Variants in SIRPD observed in about 807,000 individuals in gnomAD.
SIRPD encodes the protein signal regulatory protein delta, also known as signal-regulatory protein delta.
Under a neutral mutation model 18.0 loss-of-function variants are expected in SIRPD, and 21 were observed. The observed-to-expected ratio is 1.17, with a 90% CI of 0.83 to 1.68. SIRPD has a LOEUF of 1.68. Ranked by LOEUF, SIRPD falls within the 40% of genes most tolerant of loss-of-function variation. SIRPD has a pLI of 0.00. For missense variants in SIRPD, 295 were observed against 238.4 expected, an observed-to-expected ratio of 1.24 and a Z score of -1.56; for synonymous variants, 106 against 92.9, an observed-to-expected ratio of 1.14 and a Z score of -0.81.
intron 2 of SIRPD, among the ~76,000 whole-genome samples, chr20:1,550,444 A>G (rs1908364635): frequency 6.6e-6 from 1 of 152,194 alleles, no homozygotes; most frequent in African/African-American, 2.4e-5. Context: ...TATTTTCGCT[A>G]TCATATACTG....
intron 2 of SIRPD, among the ~76,000 whole-genome samples, chr20:1,550,596 C>T (rs546947487): frequency 3.3e-5 from 5 of 152,256 alleles, no homozygotes; most frequent in African/African-American, 1.2e-4. Context: ...CTGTGAGGAA[C>T]CCAGAATCCT....
At position 1,534,323 on chromosome 20, in the gene SIRPD, T is replaced by A; in HGVS notation, c.*102A>T. The A allele has an allele frequency of 6.6e-7, 1 of 1,523,226 alleles. No individual in the cohort carries two copies. The highest frequency in any genetic ancestry group is 1.2e-5 in the South Asian group (1 of 85,230). 94.4% of individuals were successfully genotyped at this position (1,523,226 alleles called of 1,614,324 possible). ...TTTATGTCAGTGGAAGAAAGCTCTC[T>A]TGAAGAAGGCAAATGAAACTCCTAA... is the stretch of plus-strand genomic sequence containing the variant. On this transcript the variant is annotated 3_prime_UTR_variant, in exon 4 of 4. Coordinates refer to ENST00000381623, the MANE Select transcript of SIRPD (RefSeq NM_178460.3).
intron 2 of SIRPD, among the ~76,000 whole-genome samples, chr20:1,545,663 C>T (rs141287982): frequency 9.7e-4 from 147 of 152,252 alleles, no homozygotes; most frequent in Non-Finnish European, 1.8e-3. Context: ...GCCTTGCTGG[C>T]GAGGAGATGT....
intron 2 of SIRPD, among the ~76,000 whole-genome samples, chr20:1,548,547 G>A (rs767722392): frequency 1.8e-4 from 28 of 152,014 alleles, no homozygotes; most frequent in Non-Finnish European, 2.6e-4. Context: ...GTCCATATAC[G>A]TAAGATATAT....
intron 1 of SIRPD, among the ~76,000 whole-genome samples, chr20:1,553,793 T>A (rs957723492): frequency 6.6e-6 from 1 of 152,200 alleles, no homozygotes; most frequent in Non-Finnish European, 1.5e-5. Context: ...AATGGCTTAC[T>A]AGAAAGGCTA....
At chr20:1,552,934 A>G (rs1288542764) in intron 1 of SIRPD, among the ~76,000 whole-genome samples, 2 of 152,182 alleles carry the variant, frequency 1.3e-5, no homozygotes, top group African/African-American at 2.4e-5. Context: ...GGGAAACATT[A>G]CTGGGAAGGT....
At chr20:1,547,689 G>T (rs2090999736) in intron 2 of SIRPD, among the ~76,000 whole-genome samples, 1 of 152,196 alleles carries the variant, frequency 6.6e-6, no homozygotes, top group Non-Finnish European at 1.5e-5. Flanking sequence ...AAAGTAGGTT[G>T]GGATTCTGAT....
At position 1,549,656 on chromosome 20, in the gene SIRPD, C is replaced by T. The variant is rs149248652; in HGVS notation, c.421+2035G>A. On this transcript the variant is annotated intron_variant, in intron 2 of 3. Coordinates refer to ENST00000381623, the MANE Select transcript of SIRPD (RefSeq NM_178460.3). ...AATATCAGACTTTTACTTTTCTTCC[C>T]CAGTTTTAGTAGTTTAAAAATTATT... Among the ~76,000 whole-genome samples the T allele has an allele frequency of 4.0e-3, 607 of 152,014 alleles. 12 individuals carry two copies. Among genetic ancestry groups the T allele is most frequent in the East Asian group, 0.015 (77 of 5,164 alleles).
At chr20:1,552,124 T>G (rs1199421511) in intron 1 of SIRPD, 86 bp from the exon 2 acceptor site, 7 of 1,119,694 alleles carry the variant, frequency 6.3e-6, no homozygotes, top group Non-Finnish European at 9.0e-6. Flanking sequence ...CATTCATTAA[T>G]TCTTTTAATG....
intron 2 of SIRPD, among the ~76,000 whole-genome samples, chr20:1,546,693 G>A (rs1368999786): frequency 2.0e-5 from 3 of 152,180 alleles, no homozygotes; most frequent in Non-Finnish European, 4.4e-5. Context: ...TCACCATTTT[G>A]CATTTCCACC....
At chr20:1,545,024 CTT>C (rs1312147533) in intron 2 of SIRPD, among the ~76,000 whole-genome samples, 1 of 152,186 alleles carries the variant, frequency 6.6e-6, no homozygotes, top group Non-Finnish European at 1.5e-5. Flanking sequence ...GTAACCCAAT[CTT>C]TCTCTCTGGC....
chr20:1,554,253 A>C (rs2091030465), intron 1 of SIRPD: 1 of 152,598 alleles, frequency 6.6e-6, no homozygotes, highest in African/African-American at 2.4e-5. Context: ...ACTGACACTA[A>C]AGTCTGAGGC....
intron 2 of SIRPD, 21 bp from the exon 3 acceptor site, chr20:1,537,331 A>G: frequency 6.2e-7 from 1 of 1,608,878 alleles, no homozygotes; most frequent in Non-Finnish European, 8.5e-7. Flanking sequence ...AGGCAAAACT[A>G]TGTGTTCCAT....
At chr20:1,552,135 AC>A in intron 1 of SIRPD, 97 bp from the exon 2 acceptor site, 12 of 1,013,596 alleles carry the variant, frequency 1.2e-5, no homozygotes, top group Non-Finnish European at 1.7e-5. Flanking sequence ...TCTTTTAATG[AC>A]ATGCGCAAAT....
intron 2 of SIRPD, 138 bp from the exon 3 acceptor site, chr20:1,537,448 A>G (rs2090951954): frequency 2.8e-6 from 3 of 1,055,910 alleles, no homozygotes; most frequent in Non-Finnish European, 2.7e-6. Context: ...TAAGTTACTG[A>G]TATAAGGGTC....
intron 1 of SIRPD, among the ~76,000 whole-genome samples, chr20:1,557,124 G>A (rs767135678): frequency 4.6e-5 from 7 of 152,190 alleles, no homozygotes; most frequent in African/African-American, 9.6e-5. Context: ...ATGGTGGCGC[G>A]TGCTTGTAGT....
intron 2 of SIRPD, among the ~76,000 whole-genome samples, chr20:1,537,642 T>C (rs1170580551): frequency 1.3e-5 from 2 of 152,156 alleles, no homozygotes; most frequent in African/African-American, 4.8e-5. Context: ...TCAGATGAGC[T>C]GTGCAGCTAG....
intron 2 of SIRPD, among the ~76,000 whole-genome samples, chr20:1,538,208 C>T (rs940657095): frequency 7.9e-5 from 12 of 152,076 alleles, no homozygotes; most frequent in African/African-American, 2.4e-4. Flanking sequence ...AGTGGCTGAC[C>T]GGATGTTGGT....
intron 2 of SIRPD, among the ~76,000 whole-genome samples, chr20:1,546,590 C>A (rs1356999424): frequency 6.6e-6 from 1 of 152,116 alleles, no homozygotes; most frequent in Non-Finnish European, 1.5e-5. Flanking sequence ...TTTCATTTCT[C>A]TTGAGTAAAT....
Sources: gnomAD v4.1 joint callset for allele counts (sites outside exome capture counted in the v4.1 genomes callset) on GRCh38, gnomAD v4.1.1 for gene constraint, MANE v1.5 for transcripts, NCBI Gene and HGNC (gene_info 2026-07-23, HGNC 2026-07-21) for gene names.